NCOA7: variants seen among roughly 807,000 people sequenced by gnomAD.
The protein encoded by NCOA7 is nuclear receptor coactivator 7.
Under a neutral mutation model 104.3 loss-of-function variants are expected in NCOA7, and 45 were observed. That is an observed-to-expected ratio of 0.43 (90% confidence interval 0.34 to 0.55). The LOEUF (loss-of-function observed/expected upper bound fraction) is 0.55. Ranked by LOEUF, NCOA7 falls within the 20% of genes least tolerant of loss-of-function variation. The probability of loss-of-function intolerance (pLI) is 0.02; values close to 1 mark genes in which losing one functional copy is unlikely to be tolerated. For missense variants in NCOA7, 1,041 were observed against 1,119.7 expected (o/e 0.93, Z 1.00); for synonymous variants, 398 against 402.3 (o/e 0.99, Z 0.13).
intron 3 of NCOA7, among the ~76,000 whole-genome samples, chr6:125,865,686 G>C (rs1247183030): frequency 7.4e-6 from 1 of 135,152 alleles, no homozygotes; most frequent in Admixed American, 7.0e-5. Context: ...TAAAGACAGG[G>C]TCTCTCTCTC....
intron 3 of NCOA7, among the ~76,000 whole-genome samples, chr6:125,871,646 T>C (rs1782916725): frequency 6.6e-6 from 1 of 152,176 alleles, no homozygotes; most frequent in Non-Finnish European, 1.5e-5. Context: ...AAGTGTTGCC[T>C]CACAATCAAA....
intron 2 of NCOA7, among the ~76,000 whole-genome samples, chr6:125,834,628 G>A (rs947902973): frequency 9.9e-5 from 15 of 152,138 alleles, no homozygotes; most frequent in African/African-American, 2.7e-4. Flanking sequence ...TCAAGCTTGC[G>A]TGTTTCTTTT....
At chr6:125,907,303 G>C (rs756303773) in intron 10 of NCOA7, among the ~76,000 whole-genome samples, 1 of 152,178 alleles carries the variant, frequency 6.6e-6, no homozygotes, top group Non-Finnish European at 1.5e-5. Flanking sequence ...TCTCACCTCC[G>C]CTGAGGCTGC....
At chr6:125,818,033 T>TCCTCCTCTTCTTCCTCCTCCC (rs1777755541) in intron 2 of NCOA7, among the ~76,000 whole-genome samples, 4 of 151,214 alleles carry the variant, frequency 2.6e-5, no homozygotes, top group African/African-American at 7.3e-5. Flanking sequence ...CTGCTCCTCT[T>TCCTCCTCTTCTTCCTCCTCCC]CCTCCTCTTC....
intron 2 of NCOA7, among the ~76,000 whole-genome samples, chr6:125,834,381 A>G (rs556993069): frequency 7.7e-4 from 117 of 152,348 alleles, no homozygotes; most frequent in African/African-American, 2.3e-3. Context: ...GATAATCCCC[A>G]TATGATCTAG....
At chr6:125,787,004 G>T (rs1014822102), upstream of NCOA7, among the ~76,000 whole-genome samples, 1 of 151,868 alleles carries the variant, frequency 6.6e-6, no homozygotes, top group Non-Finnish European at 1.5e-5. Context: ...AAAATTAGCC[G>T]GGTGTGGTGG....
intron 10 of NCOA7, among the ~76,000 whole-genome samples, chr6:125,902,127 A>T (rs549616788): frequency 6.6e-6 from 1 of 152,086 alleles, no homozygotes; most frequent in Admixed American, 6.5e-5. Flanking sequence ...AAAAACGGGG[A>T]TGTGAAGTTC....
intron 2 of NCOA7, among the ~76,000 whole-genome samples, chr6:125,837,111 G>C (rs17053599): frequency 0.062 from 9,422 of 152,190 alleles, 810 homozygotes; most frequent in African/African-American, 0.19. Context: ...TGTGTAAAGC[G>C]ACTTTGCTTG....
chr6:125,841,849 T>C (rs1371173135), intron 2 of NCOA7, among the ~76,000 whole-genome samples: 2 of 152,146 alleles, frequency 1.3e-5, no homozygotes, highest in African/African-American at 2.4e-5. Context: ...ACCAACTAAA[T>C]TGAGAGCATC....
chr6:125,850,079 A>T (rs889099316), intron 2 of NCOA7, among the ~76,000 whole-genome samples: 1 of 152,216 alleles, frequency 6.6e-6, no homozygotes, highest in East Asian at 1.9e-4. Context: ...AACAAAAGGT[A>T]AGGACTGAAA....
At chr6:125,833,698 A>G (rs909883564) in intron 2 of NCOA7, among the ~76,000 whole-genome samples, 12 of 152,218 alleles carry the variant, frequency 7.9e-5, no homozygotes, top group African/African-American at 2.9e-4. Flanking sequence ...TTCTCTCTCC[A>G]TTCACCTGTG....
chr6:125,904,441 C>G (rs1785784939), intron 10 of NCOA7, among the ~76,000 whole-genome samples: 1 of 152,194 alleles, frequency 6.6e-6, no homozygotes, highest in African/African-American at 2.4e-5. Flanking sequence ...GCATTGTCCT[C>G]CTTTTGCTCT....
chr6:125,857,433 A>T (rs1042938525), intron 3 of NCOA7, among the ~76,000 whole-genome samples: 2 of 131,890 alleles, frequency 1.5e-5, no homozygotes, highest in African/African-American at 7.4e-5. Flanking sequence ...ACACACATAT[A>T]TATATATATT....
At chr6:125,791,813 G>C (rs1774889408) in intron 1 of NCOA7, among the ~76,000 whole-genome samples, 1 of 152,178 alleles carries the variant, frequency 6.6e-6, no homozygotes, top group African/African-American at 2.4e-5. Context: ...CTTCCAACTC[G>C]ATGTTATGCT....
At chr6:125,806,134 A>G (rs1203030278) in intron 1 of NCOA7, among the ~76,000 whole-genome samples, 1 of 152,338 alleles carries the variant, frequency 6.6e-6, no homozygotes, top group East Asian at 1.9e-4. Context: ...TGAAGTCAGT[A>G]GTTCAAGACC....
At chr6:125,866,229 T>C (rs991444627) in intron 3 of NCOA7, among the ~76,000 whole-genome samples, 2 of 151,492 alleles carry the variant, frequency 1.3e-5, no homozygotes, top group African/African-American at 4.9e-5. Flanking sequence ...TTCAGGAGGC[T>C]GAGGCAGGAG....
intron 1 of NCOA7, among the ~76,000 whole-genome samples, chr6:125,803,927 T>G (rs553639441): frequency 6.6e-6 from 1 of 151,970 alleles, no homozygotes; most frequent in East Asian, 1.9e-4. Flanking sequence ...ATAGTAGTAG[T>G]GGTAACTACT....
At chr6:125,866,807 T>C (rs1782478869) in intron 3 of NCOA7, among the ~76,000 whole-genome samples, 1 of 152,200 alleles carries the variant, frequency 6.6e-6, no homozygotes, top group Non-Finnish European at 1.5e-5. Flanking sequence ...TGTGGCTTTA[T>C]AATCATGTGT....
exon 1 of NCOA7, chr6:125,781,303 G>C (rs914558116): frequency 3.3e-5 from 5 of 152,204 alleles, no homozygotes; most frequent in Non-Finnish European, 7.3e-5. Flanking sequence ...ACATAAATTT[G>C]TAATGAACTT....
Sources: allele counts gnomAD v4.1 joint callset (sites outside exome capture counted in the v4.1 genomes callset), GRCh38; gene constraint gnomAD v4.1.1; transcripts MANE v1.5; gene names NCBI Gene and HGNC (gene_info 2026-07-23, HGNC 2026-07-21).